The following CLIC4 variants were observed in gnomAD, a reference collection of about 807,000 sequenced individuals.
CLIC4 encodes chloride intracellular channel protein 4.
CLIC4 carries 13 observed loss-of-function variants against 24.6 expected under a neutral mutation model. That is an observed-to-expected ratio of 0.53 (90% CI 0.34 to 0.84). The LOEUF (loss-of-function observed/expected upper bound fraction) is 0.84, where lower values mean the gene tolerates loss of function less well. CLIC4 is among the 40% of genes least tolerant of loss of function. The probability of loss-of-function intolerance (pLI) is 0.01; values close to 1 mark genes in which losing one functional copy is unlikely to be tolerated. For missense variants in CLIC4, 227 were observed against 301.7 expected (o/e 0.75, Z 1.83); for synonymous variants, 104 against 111.3 (o/e 0.93, Z 0.41).
chr1:24,767,409 G>A (rs1030910685), intron 1 of CLIC4, among the ~76,000 whole-genome samples: 1 of 152,192 alleles, frequency 6.6e-6, no homozygotes, highest in Non-Finnish European at 1.5e-5. Context: ...CCTATGGTTA[G>A]TTTATTATAT....
At chr1:24,830,527 A>G (rs1366685412) in intron 4 of CLIC4, among the ~76,000 whole-genome samples, 4 of 152,130 alleles carry the variant, frequency 2.6e-5, no homozygotes, top group Admixed American at 2.6e-4. Flanking sequence ...AAATAGTTCA[A>G]AAAGTTTGTG....
At chr1:24,797,931 A>G (rs1639423156) in intron 2 of CLIC4, 80 bp downstream of exon 2, 2 of 916,216 alleles carry the variant, frequency 2.2e-6, no homozygotes, top group African/African-American at 1.7e-5. Context: ...TTGATGGCAC[A>G]TATTCTCTAA....
intron 1 of CLIC4, among the ~76,000 whole-genome samples, chr1:24,763,913 G>A (rs1381003618): frequency 6.6e-6 from 1 of 152,186 alleles, no homozygotes; most frequent in African/African-American, 2.4e-5. Flanking sequence ...CAGGAGAGTA[G>A]ATTCCTTGTC....
intron 3 of CLIC4, among the ~76,000 whole-genome samples, chr1:24,815,507 A>C (rs1183012959): frequency 6.6e-6 from 1 of 152,190 alleles, no homozygotes; most frequent in Non-Finnish European, 1.5e-5. Flanking sequence ...CGTCTCAAAA[A>C]AAAATCATTG....
At chr1:24,770,896 T>C (rs1639062861) in intron 1 of CLIC4, among the ~76,000 whole-genome samples, 2 of 152,208 alleles carry the variant, frequency 1.3e-5, no homozygotes, top group South Asian at 4.1e-4. Flanking sequence ...TATGGCTAAA[T>C]GGTAATAGGA....
chr1:24,772,534 A>G (rs1382966316), intron 1 of CLIC4, among the ~76,000 whole-genome samples: 1 of 152,190 alleles, frequency 6.6e-6, no homozygotes, highest in African/African-American at 2.4e-5. Flanking sequence ...CGCCCAGGCT[A>G]GAGTGCAGTG....
At chr1:24,817,973 A>T (rs1639687910) in intron 3 of CLIC4, among the ~76,000 whole-genome samples, 1 of 152,214 alleles carries the variant, frequency 6.6e-6, no homozygotes, top group South Asian at 2.1e-4. Context: ...GTGCTGTCTT[A>T]TATGGGTGTG....
chr1:24,836,444 G>A (rs1267197729), intron 4 of CLIC4, among the ~76,000 whole-genome samples: 1 of 151,604 alleles, frequency 6.6e-6, no homozygotes, highest in Non-Finnish European at 1.5e-5. Context: ...AAAATTGATG[G>A]TAAAGCTGGG....
intron 4 of CLIC4, among the ~76,000 whole-genome samples, chr1:24,828,705 C>A (rs890743380): frequency 7.3e-6 from 1 of 136,086 alleles, no homozygotes; most frequent in Admixed American, 7.8e-5. Flanking sequence ...GGGGGTGGGG[C>A]GGGAATAAAA....
chr1:24,811,558 G>A (rs1173951200), intron 2 of CLIC4, among the ~76,000 whole-genome samples: 1 of 151,930 alleles, frequency 6.6e-6, no homozygotes, highest in Non-Finnish European at 1.5e-5. Context: ...CTGCAGCCTC[G>A]ACCGCCTGGG....
intron 1 of CLIC4, among the ~76,000 whole-genome samples, chr1:24,775,224 C>CTTTTTTTTTTTTTTTTTTTTTCTTTTTTT: frequency 1.1e-5 from 1 of 90,664 alleles, no homozygotes; most frequent in African/African-American, 4.4e-5. Context: ...TTCTTTCTTT[C>CTTTTTTTTTTTTTTTTTTTTTCTTTTTTT]TTTTTTTTTT....
intron 4 of CLIC4, among the ~76,000 whole-genome samples, chr1:24,830,881 T>C (rs1639833358): frequency 6.6e-6 from 1 of 152,218 alleles, no homozygotes; most frequent in Non-Finnish European, 1.5e-5. Context: ...TACTGCCTTC[T>C]AGTGGTTAAT....
intron 3 of CLIC4, among the ~76,000 whole-genome samples, chr1:24,815,133 T>C (rs372053850): frequency 2.1e-4 from 32 of 152,346 alleles, no homozygotes; most frequent in East Asian, 1.5e-3. Flanking sequence ...TACAGTAGTA[T>C]ACTGTAGTGT....
chr1:24,795,848 G>T (rs1639392977), intron 1 of CLIC4, among the ~76,000 whole-genome samples: 1 of 152,216 alleles, frequency 6.6e-6, no homozygotes. Flanking sequence ...GATTACAGGA[G>T]TCAGCCACTG....
At position 24,798,065 on chromosome 1, in the gene CLIC4, T is replaced by C. The variant is rs1400619468; in HGVS notation, c.182+214T>C. On this transcript the variant is annotated intron_variant, in intron 2 of 5. Coordinates refer to ENST00000374379, the MANE Select transcript of CLIC4 (RefSeq NM_013943.3). ...TCAGTCTTTTTTAGGAACTTTTGTA[T>C]GTTTACCTTAAATTTCATGAGTAGC... 9.7e-6 allele frequency: 4 copies of C among 412,278 alleles called. No individual in the cohort carries two copies. The East Asian group carries it at 1.9e-4, about 20-fold the overall frequency. The allele number at this position is 412,278 out of a possible 1,614,324, so 25.5% of individuals were successfully genotyped here. A position where few individuals can be genotyped will look rare whatever the true frequency, so the allele number is the denominator to read the frequency against.
At chr1:24,759,307 A>G (rs759428095) in intron 1 of CLIC4, among the ~76,000 whole-genome samples, 1 of 152,192 alleles carries the variant, frequency 6.6e-6, no homozygotes, top group Non-Finnish European at 1.5e-5. Context: ...CATCAATTGA[A>G]TACTTTCCAT....
At position 24,842,509 on chromosome 1, in the gene CLIC4, C is replaced by T. The variant is rs1639954006; in HGVS notation, c.*1572C>T. The T allele has an allele frequency of 6.6e-6, 1 of 152,048 alleles. No homozygotes were observed. Among genetic ancestry groups the T allele is most frequent in the Admixed American group, 6.6e-5 (1 of 15,264 alleles). 9.4% of individuals were successfully genotyped at this position (152,048 alleles called of 1,614,324 possible). A position where few individuals can be genotyped will look rare whatever the true frequency, so the allele number is the denominator to read the frequency against. Reference sequence around the variant, plus strand: ...TGTTTCTCCCACTTTGATATGCTAACATTTAGTAAGCACTGGCTTTATGAA... The same window carrying T: ...TGTTTCTCCCACTTTGATATGCTAATATTTAGTAAGCACTGGCTTTATGAA... On this transcript the variant is annotated 3_prime_UTR_variant, in exon 6 of 6. Coordinates refer to ENST00000374379, the MANE Select transcript of CLIC4 (RefSeq NM_013943.3).
chr1:24,764,262 G>A (rs930550329), intron 1 of CLIC4, among the ~76,000 whole-genome samples: 2 of 152,022 alleles, frequency 1.3e-5, no homozygotes, highest in African/African-American at 4.8e-5. Flanking sequence ...CACCACACCC[G>A]GCTAATTTTG....
chr1:24,751,122 T>C (rs1469930977), intron 1 of CLIC4, among the ~76,000 whole-genome samples: 3 of 152,104 alleles, frequency 2.0e-5, no homozygotes, highest in Admixed American at 6.6e-5. Context: ...TGGTTCTTCA[T>C]CCTGATTTCT....
Sources: allele counts gnomAD v4.1 joint callset (sites outside exome capture counted in the v4.1 genomes callset), GRCh38; gene constraint gnomAD v4.1.1; transcripts MANE v1.5; gene names NCBI Gene and HGNC (gene_info 2026-07-23, HGNC 2026-07-21).